Variants in LRMDA observed in about 807,000 individuals in gnomAD.
The protein encoded by LRMDA is leucine-rich melanocyte differentiation-associated protein.
A neutral mutation model predicts 29.8 loss-of-function variants in LRMDA; 18 were observed. The observed-to-expected ratio is 0.60, with a 90% CI of 0.42 to 0.90. LRMDA has a LOEUF of 0.90. Among genes scored for constraint, LRMDA ranks in the 40% least tolerant of loss-of-function variants. The pLI, the probability that LRMDA is intolerant of heterozygous loss-of-function variation, is 0.00. For missense variants in LRMDA, 273 were observed against 273.9 expected, an observed-to-expected ratio of 1.00 and a Z score of 0.02; for synonymous variants, 125 against 109.4, an observed-to-expected ratio of 1.14 and a Z score of -0.89.
intron 5 of LRMDA, among the ~76,000 whole-genome samples, chr10:76,147,760 T>C (rs1318367116): frequency 6.6e-6 from 1 of 152,240 alleles, no homozygotes; most frequent in Non-Finnish European, 1.5e-5. Context: ...GGAGAGGCAC[T>C]CTGCTTTTTA....
At chr10:75,532,061 A>G (rs1182049431) in intron 2 of LRMDA, among the ~76,000 whole-genome samples, 3 of 151,282 alleles carry the variant, frequency 2.0e-5, no homozygotes, top group Middle Eastern at 3.4e-3. Flanking sequence ...AGAAAGAAAA[A>G]AAAAAAAAAA....
At chr10:75,737,487 C>A (rs1842780116) in intron 2 of LRMDA, among the ~76,000 whole-genome samples, 1 of 152,224 alleles carries the variant, frequency 6.6e-6, no homozygotes, top group South Asian at 2.1e-4. Context: ...GCAGTACCAT[C>A]ATCTGGGTTG....
rs563497364 is a variant in LRMDA, at chr10:75,623,012, C to G, written c.131+184518C>G. Among the ~76,000 whole-genome samples, 21 of 152,260 alleles carry G rather than the reference C, an allele frequency of 1.4e-4. No homozygotes were observed. In the South Asian group the frequency reaches 4.3e-3, roughly 32 times the overall value. ...TTAAGCCGTAATTTTACCAACAATG[C>G]TTTAATTTAACAAATAAACAGGAAT... On this transcript the variant is annotated intron_variant, in intron 2 of 6. Coordinates refer to ENST00000611255, the MANE Select transcript of LRMDA (RefSeq NM_001305581.2).
chr10:75,968,990 TAA>T (rs34409139), intron 2 of LRMDA, among the ~76,000 whole-genome samples: 2 of 151,744 alleles, frequency 1.3e-5, no homozygotes, highest in Non-Finnish European at 2.9e-5. Context: ...ATTAAACAAT[TAA>T]AAAAAACCCT....
At chr10:75,941,508 G>A (rs1589260925) in intron 2 of LRMDA, among the ~76,000 whole-genome samples, 1 of 152,106 alleles carries the variant, frequency 6.6e-6, no homozygotes, top group Admixed American at 6.5e-5. Flanking sequence ...CTTGCCCAGG[G>A]GTTCTGTCAC....
intron 6 of LRMDA, among the ~76,000 whole-genome samples, chr10:76,377,668 G>GT (rs1841538277): frequency 2.6e-5 from 4 of 152,130 alleles, no homozygotes; most frequent in Admixed American, 2.6e-4. Context: ...TGTCAACTTT[G>GT]TTGGAGATCA....
In LRMDA at chr10:76,130,762, C is replaced by T. The variant is rs207471151; in HGVS notation, c.516+71979C>T. Among the ~76,000 whole-genome samples, 6 of 152,234 alleles carry T rather than the reference C, an allele frequency of 3.9e-5. No individual in the cohort carries two copies. In the East Asian group the frequency reaches 5.8e-4, roughly 15 times the overall value. On this transcript the variant is annotated intron_variant, in intron 5 of 6. Transcript: ENST00000611255. ...GCAACCTCTGCCTCCTGGGTTTAAG[C>T]GATTCTCCTGCCTCGGCCTTCCAAG...
intron 2 of LRMDA, among the ~76,000 whole-genome samples, chr10:75,819,367 A>C (rs1020308494): frequency 6.6e-5 from 10 of 151,274 alleles, no homozygotes; most frequent in Middle Eastern, 3.4e-3. Context: ...GATTACCTAT[A>C]GATCCAATAG....
rs537178325 is a variant in LRMDA at position 76,048,317 on chromosome 10, A to C, written c.398+1014A>C. ...ATGTGTGAAGCCAACCATGTAGGCA[A>C]GTTTTTGTAATTTTTTTCTAGAATG... On this transcript the variant is annotated intron_variant, in intron 4 of 6. Transcript: ENST00000611255. Among the ~76,000 whole-genome samples, 379 of 152,286 alleles carry C rather than the reference A, an allele frequency of 2.5e-3. 2 individuals are homozygous for C. Among genetic ancestry groups the C allele is most frequent in the African/African-American group, 7.7e-3 (319 of 41,552 alleles).
At chr10:75,851,573 G>A (rs953328170) in intron 2 of LRMDA, among the ~76,000 whole-genome samples, 4 of 152,090 alleles carry the variant, frequency 2.6e-5, no homozygotes, top group African/African-American at 7.2e-5. Context: ...AGATAAATTA[G>A]CGACTTCTAA....
chr10:76,493,865 A>AT (rs1346881563), intron 6 of LRMDA, among the ~76,000 whole-genome samples: 1 of 151,948 alleles, frequency 6.6e-6, no homozygotes, highest in Non-Finnish European at 1.5e-5. Flanking sequence ...CACATATTAT[A>AT]TTTCTCTTGT....
In LRMDA at chr10:75,456,216, C is replaced by T. The variant is rs187986959; in HGVS notation, c.131+17722C>T. On this transcript the variant is annotated intron_variant, in intron 2 of 6. Coordinates refer to ENST00000611255, the MANE Select transcript of LRMDA (RefSeq NM_001305581.2). ...CCATTCCCAGGCTGAGCAGGGCCTG[C>T]GTTTCGGCCCTGACACATATACGCG... 9.2e-5 allele frequency among the ~76,000 whole-genome samples: 14 copies of T among 152,266 alleles called. No homozygotes were observed. In the East Asian group the frequency reaches 2.5e-3, roughly 27 times the overall value.
chr10:75,881,291 G>A (rs1462242153), intron 2 of LRMDA, among the ~76,000 whole-genome samples: 3 of 152,226 alleles, frequency 2.0e-5, no homozygotes, highest in East Asian at 3.9e-4. Context: ...AGAGGTGAAG[G>A]TCATTAATTA....
intron 2 of LRMDA, among the ~76,000 whole-genome samples, chr10:75,492,223 G>C (rs1844996953): frequency 6.6e-6 from 1 of 152,170 alleles, no homozygotes; most frequent in Admixed American, 6.5e-5. Context: ...AAGTTTAATA[G>C]GGGATGAATT....
chr10:76,007,405 G>T (rs537712419), intron 2 of LRMDA, among the ~76,000 whole-genome samples: 4 of 152,200 alleles, frequency 2.6e-5, no homozygotes, highest in African/African-American at 9.6e-5. Flanking sequence ...TTTGAGATCT[G>T]TGGCATGGAG....
At chr10:75,880,335 T>C (rs757675960) in intron 2 of LRMDA, among the ~76,000 whole-genome samples, 7 of 152,214 alleles carry the variant, frequency 4.6e-5, no homozygotes, top group Non-Finnish European at 7.3e-5. Context: ...GGAGGTGATA[T>C]GTTATAAGGA....
At chr10:75,487,326 G>A (rs1007015747) in intron 2 of LRMDA, among the ~76,000 whole-genome samples, 7 of 152,144 alleles carry the variant, frequency 4.6e-5, no homozygotes, top group African/African-American at 1.7e-4. Context: ...GTGAATGATG[G>A]GCTCATGTCA....
At chr10:75,699,546 A>G (rs1261938175) in intron 2 of LRMDA, among the ~76,000 whole-genome samples, 1 of 152,216 alleles carries the variant, frequency 6.6e-6, no homozygotes, top group Non-Finnish European at 1.5e-5. Context: ...ATTGCCATAC[A>G]TTTTGGTTAA....
intron 5 of LRMDA, among the ~76,000 whole-genome samples, chr10:76,071,065 T>C (rs1213589534): frequency 3.9e-5 from 6 of 152,236 alleles, no homozygotes; most frequent in Admixed American, 2.6e-4. Flanking sequence ...GCCCTTAAGC[T>C]CTTTCATTTG....
Sources: allele counts gnomAD v4.1 joint callset (sites outside exome capture counted in the v4.1 genomes callset), GRCh38; gene constraint gnomAD v4.1.1; transcripts MANE v1.5; gene names NCBI Gene and HGNC (gene_info 2026-07-23, HGNC 2026-07-21).